Variants in ASPRV1 observed in about 807,000 individuals in gnomAD.
ASPRV1 encodes aspartic peptidase retroviral like 1, also known as retroviral-like aspartic protease 1.
In ASPRV1, 7 loss-of-function variants were observed where a neutral mutation model predicts 11.0. That is an observed-to-expected ratio of 0.64 (90% confidence interval 0.36 to 1.20). ASPRV1 has a LOEUF of 1.20. Among genes scored for constraint, ASPRV1 ranks in the 50% most tolerant of loss-of-function variants. The pLI is 0.02. For synonymous variants in ASPRV1, 136 were observed against 138.4 expected (o/e 0.98, Z 0.12); for missense variants, 299 against 320.0 (o/e 0.93, Z 0.50).
At chr2:69,956,454 A>AGAGGAAGAG (rs1677939724), downstream of ASPRV1, among the ~76,000 whole-genome samples, 1 of 137,600 alleles carries the variant, frequency 7.3e-6, no homozygotes, top group African/African-American at 2.9e-5. Flanking sequence ...GAGAAGAGGA[A>AGAGGAAGAG]GAAGAAGAAG....
the ASPRV1 span, among the ~76,000 whole-genome samples, chr2:70,063,504 A>G: frequency 6.6e-6 from 1 of 152,210 alleles, no homozygotes; most frequent in African/African-American, 2.4e-5. Flanking sequence ...GGGAGGAGGT[A>G]GCCTGAAGAG....
At chr2:70,006,711 A>AG in the ASPRV1 span, among the ~76,000 whole-genome samples, 1 of 152,200 alleles carries the variant, frequency 6.6e-6, no homozygotes, top group Admixed American at 6.5e-5. Context: ...GTTCTCAGGA[A>AG]GCAAGTGGGA....
At chr2:69,999,025 G>A in the ASPRV1 span, among the ~76,000 whole-genome samples, 1 of 152,184 alleles carries the variant, frequency 6.6e-6, no homozygotes, top group Non-Finnish European at 1.5e-5. Context: ...CCCAGGTGGA[G>A]GTCAATGACA....
chr2:70,018,748 T>C, the ASPRV1 span, among the ~76,000 whole-genome samples: 1 of 152,198 alleles, frequency 6.6e-6, no homozygotes, highest in Non-Finnish European at 1.5e-5. Flanking sequence ...TAGATGTTCA[T>C]TTCACACCAT....
the ASPRV1 span, among the ~76,000 whole-genome samples, chr2:69,988,067 TA>T: frequency 4.4e-4 from 67 of 152,362 alleles, no homozygotes; most frequent in Admixed American, 3.7e-3. Flanking sequence ...AGTGGGTATG[TA>T]AAGTAGTATA....
chr2:70,065,390 C>CAA, the ASPRV1 span, among the ~76,000 whole-genome samples: 556 of 50,752 alleles, frequency 0.011, 4 homozygotes, highest in Non-Finnish European at 0.013. Flanking sequence ...GACACCATCT[C>CAA]AAAAAAAAAA....
At chr2:70,051,747 G>T in the ASPRV1 span, among the ~76,000 whole-genome samples, 1 of 152,150 alleles carries the variant, frequency 6.6e-6, no homozygotes, top group East Asian at 1.9e-4. Context: ...GCTGAGGAGG[G>T]AGGATTGCTT....
chr2:69,938,575 CAATCCCCCTCTT>C, the ASPRV1 span: 1 of 309,788 alleles, frequency 3.2e-6, no homozygotes, highest in Non-Finnish European at 6.1e-6. Context: ...CACATCTCAG[CAATCCCCCTCTT>C]TGCTCTCCTC....
At chr2:69,954,526 G>A in the ASPRV1 span, among the ~76,000 whole-genome samples, 2 of 152,150 alleles carry the variant, frequency 1.3e-5, no homozygotes, top group South Asian at 4.1e-4. Context: ...AATAAAAGCA[G>A]CATCTCCTTC....
At chr2:70,075,311 C>T in the ASPRV1 span, 4 of 138,206 alleles carry the variant, frequency 2.9e-5, no homozygotes, top group Admixed American at 2.3e-4. Context: ...ACGGTTTCAC[C>T]GTGTTAGCCA....
chr2:70,072,689 T>A, the ASPRV1 span, among the ~76,000 whole-genome samples: 1 of 152,128 alleles, frequency 6.6e-6, no homozygotes, highest in Non-Finnish European at 1.5e-5. Flanking sequence ...GCCACTGCAC[T>A]CTGTCCTGGG....
chr2:70,012,701 T>C, the ASPRV1 span, among the ~76,000 whole-genome samples: 3 of 152,166 alleles, frequency 2.0e-5, no homozygotes, highest in Non-Finnish European at 4.4e-5. Context: ...TTAAAACTTA[T>C]CCCTTGAATA....
chr2:69,977,526 G>A, the ASPRV1 span, among the ~76,000 whole-genome samples: 2 of 152,248 alleles, frequency 1.3e-5, no homozygotes, highest in Non-Finnish European at 2.9e-5. Flanking sequence ...CGTGACCTTG[G>A]GCGAGGTCCT....
the ASPRV1 span, chr2:69,996,862 G>C: frequency 3.4e-3 from 1,157 of 340,400 alleles, 14 homozygotes; most frequent in African/African-American, 0.023. Context: ...AAGCACCTCT[G>C]TCAAGGAGTG....
the ASPRV1 span, chr2:70,016,489 C>T: frequency 6.6e-6 from 1 of 151,968 alleles, no homozygotes. Context: ...TGCAGTAAAC[C>T]AAGATTATGC....
the ASPRV1 span, chr2:70,085,655 T>G: frequency 2.0e-5 from 3 of 150,918 alleles, no homozygotes; most frequent in Non-Finnish European, 2.9e-5. Flanking sequence ...GAGAGAGAGA[T>G]AAGAACACCT....
the ASPRV1 span, among the ~76,000 whole-genome samples, chr2:70,000,220 C>T: frequency 6.6e-6 from 1 of 151,552 alleles, no homozygotes; most frequent in African/African-American, 2.4e-5. Context: ...AGGTGGCTCA[C>T]ACCTGTAATC....
chr2:70,024,667 C>T, the ASPRV1 span, among the ~76,000 whole-genome samples: 1 of 152,126 alleles, frequency 6.6e-6, no homozygotes, highest in Admixed American at 6.6e-5. Flanking sequence ...CTTTCCCTGC[C>T]TCCCCTATTT....
chr2:69,961,642 C>A (rs757644455), upstream of ASPRV1: 6 of 1,583,116 alleles, frequency 3.8e-6, no homozygotes, highest in Admixed American at 1.1e-4. Flanking sequence ...GGCCTGTTCA[C>A]TCTGCAGAGC....
Sources: gnomAD v4.1 joint callset for allele counts (sites outside exome capture counted in the v4.1 genomes callset) on GRCh38, gnomAD v4.1.1 for gene constraint, MANE v1.5 for transcripts, NCBI Gene and HGNC (gene_info 2026-07-23, HGNC 2026-07-21) for gene names.